The following MEGF6 variants were observed in gnomAD, a reference collection of about 807,000 sequenced individuals.
The protein encoded by MEGF6 is multiple EGF like domains 6, also known as multiple epidermal growth factor-like domains protein 6.
MEGF6 carries 184 observed loss-of-function variants against 207.1 expected under a neutral mutation model. That is an observed-to-expected ratio of 0.89 (90% CI 0.79 to 1.00). The LOEUF (loss-of-function observed/expected upper bound fraction) is 1.00. Among genes scored for constraint, MEGF6 ranks in the 50% least tolerant of loss-of-function variants. MEGF6 has a pLI of 0.00. For synonymous variants in MEGF6, 1,038 were observed against 910.0 expected, an observed-to-expected ratio of 1.14 and a Z score of -2.53; for missense variants, 2,282 against 2,202.9, an observed-to-expected ratio of 1.04 and a Z score of -0.72.
chr1:3,510,652 C>T, intron 10 of MEGF6, 131 bp downstream of exon 10: 1 of 1,307,758 alleles, frequency 7.6e-7, no homozygotes, highest in African/African-American at 1.5e-5. Context: ...ACACCCACAG[C>T]CCCAAAGCAA....
chr1:3,587,661 G>C (rs1643910705), intron 3 of MEGF6, among the ~76,000 whole-genome samples: 1 of 152,216 alleles, frequency 6.6e-6, no homozygotes, highest in South Asian at 2.1e-4. Context: ...CATCAATAAA[G>C]TCTGACATTG....
chr1:3,622,327 C>G, the MEGF6 span, among the ~76,000 whole-genome samples: 8 of 152,262 alleles, frequency 5.3e-5, no homozygotes, highest in South Asian at 1.5e-3. Flanking sequence ...ATCCCACTAC[C>G]CCCGCCGCCA....
chr1:3,608,594 T>G (rs1051680737), intron 1 of MEGF6, among the ~76,000 whole-genome samples: 1 of 152,196 alleles, frequency 6.6e-6, no homozygotes, highest in African/African-American at 2.4e-5. Context: ...GTAGCACAGC[T>G]GCCCAGAGGG....
At chr1:3,602,340 G>C in intron 2 of MEGF6, 126 bp downstream of exon 2, 1 of 1,396,150 alleles carries the variant, frequency 7.2e-7, no homozygotes, top group South Asian at 1.4e-5. Flanking sequence ...GAGGGCTTCA[G>C]GCAGGGGTTG....
At chr1:3,512,180 G>C in intron 7 of MEGF6, 52 bp from the exon 8 acceptor site, 1 of 1,554,116 alleles carries the variant, frequency 6.4e-7, no homozygotes, top group Non-Finnish European at 8.7e-7. Flanking sequence ...AAGGGCCTTT[G>C]CATGGGACCA....
At chr1:3,533,104 C>G (rs1472403460) in intron 4 of MEGF6, among the ~76,000 whole-genome samples, 2 of 152,240 alleles carry the variant, frequency 1.3e-5, no homozygotes, top group Non-Finnish European at 2.9e-5. Flanking sequence ...AGAAGCCTGC[C>G]CAGTGCTAAG....
chr1:3,578,893 C>T (rs112332851), intron 4 of MEGF6, among the ~76,000 whole-genome samples: 827 of 58,208 alleles, frequency 0.014, 7 homozygotes, highest in Non-Finnish European at 0.024. Flanking sequence ...CTCCTCAGCC[C>T]GGCCCCCAGC....
intron 5 of MEGF6, 53 bp downstream of exon 5, chr1:3,524,071 G>A (rs552166906): frequency 6.3e-7 from 1 of 1,586,618 alleles, no homozygotes; most frequent in East Asian, 2.3e-5. Context: ...CACCCCAGAG[G>A]GTAGGGATGG....
intron 1 of MEGF6, among the ~76,000 whole-genome samples, chr1:3,603,902 C>T (rs1344429101): frequency 3.3e-5 from 5 of 152,212 alleles, no homozygotes; most frequent in South Asian, 2.1e-4. Context: ...TCCTGGGGCT[C>T]GTGCTGTGTG....
chr1:3,514,400 C>T, intron 7 of MEGF6, 150 bp downstream of exon 7: 1 of 1,019,624 alleles, frequency 9.8e-7, no homozygotes, highest in Non-Finnish European at 1.4e-6. Context: ...GGAGATGAGA[C>T]CGCCACATCC....
intron 4 of MEGF6, among the ~76,000 whole-genome samples, chr1:3,575,522 C>A (rs1447206695): frequency 4.6e-5 from 7 of 152,198 alleles, no homozygotes; most frequent in African/African-American, 1.7e-4. Context: ...CAACTGCTGA[C>A]ATACCCTAGA....
In MEGF6 at chr1:3,494,398, C is replaced by T. The variant is rs760317014; in HGVS notation, c.4102G>A (p.Gly1368Ser). Residue 1368 changes from glycine (G) to serine (S), a missense_variant, in exon 32 of 37, where the codon GGC becomes AGC. By Grantham distance (56) the Gly-to-Ser change is moderately conservative. Coordinates refer to ENST00000356575, the MANE Select transcript of MEGF6 (RefSeq NM_001409.4). The stretch of plus-strand genomic sequence containing the variant: ...TGCTCGCAGGCCTGGCCATAGAAGC[C>T]GGGGCCGCAGCGGCAGGTGCCCGTG... ...PATGTCRCGP[G>S]FYGQACEHPC... 1.7e-5 allele frequency: 27 copies of T among 1,552,154 alleles called. No individual in the cohort carries two copies. Among genetic ancestry groups the T allele is most frequent in the Non-Finnish European group, 2.3e-5 (26 of 1,152,788 alleles).
chr1:3,517,874 T>C (rs1441043765), intron 5 of MEGF6, among the ~76,000 whole-genome samples: 1 of 152,188 alleles, frequency 6.6e-6, no homozygotes, highest in Non-Finnish European at 1.5e-5. Flanking sequence ...AGCCCTACTG[T>C]GTCTTTCACT....
At chr1:3,491,645 G>C (rs1430162130) in intron 35 of MEGF6, among the ~76,000 whole-genome samples, 1 of 152,052 alleles carries the variant, frequency 6.6e-6, no homozygotes, top group Non-Finnish European at 1.5e-5. Flanking sequence ...AAAAAGCAGA[G>C]CCTGCAGCCT....
chr1:3,501,069 G>T lies in MEGF6; in HGVS notation c.2472C>A (p.Pro824=), dbSNP rs1175257003. The change falls in exon 20 of 37, where the codon CCC becomes CCA. Residue 824 remains proline, a synonymous_variant. Coordinates refer to ENST00000356575, the MANE Select transcript of MEGF6 (RefSeq NM_001409.4). ...QDVCPAGWYG[P]SCQTRCSCAN... Reference sequence around the variant, plus strand: ...CACAAGAGCACCTTGTCTGGCAGCTGGGACCATACCAGCCTGCTGGGCACA... The same window carrying T: ...CACAAGAGCACCTTGTCTGGCAGCTTGGACCATACCAGCCTGCTGGGCACA... The T allele has an allele frequency of 7.4e-6, 12 of 1,612,776 alleles. No individual in the cohort carries two copies. Among genetic ancestry groups the T allele is most frequent in the African/African-American group, 1.3e-5 (1 of 75,062 alleles).
chr1:3,525,459 C>T (rs541306230), intron 4 of MEGF6, among the ~76,000 whole-genome samples: 1 of 152,374 alleles, frequency 6.6e-6, no homozygotes, highest in East Asian at 1.9e-4. Context: ...AGTCCAAGGC[C>T]ACAGACACCT....
chr1:3,534,832 C>T (rs1053748584), intron 4 of MEGF6, among the ~76,000 whole-genome samples: 1 of 152,140 alleles, frequency 6.6e-6, no homozygotes, highest in Non-Finnish European at 1.5e-5. Flanking sequence ...ACCTCCATAC[C>T]CCCACCTCAG....
At chr1:3,554,605 A>C (rs1295474312) in intron 4 of MEGF6, among the ~76,000 whole-genome samples, 2 of 152,186 alleles carry the variant, frequency 1.3e-5, no homozygotes, top group African/African-American at 2.4e-5. Context: ...CGGAAGTCCA[A>C]AGTGAGAATG....
chr1:3,490,764 T>C, intron 36 of MEGF6, 148 bp downstream of exon 36: 1 of 1,235,306 alleles, frequency 8.1e-7, no homozygotes, highest in Non-Finnish European at 1.1e-6. Context: ...GGCCCCAGCC[T>C]TGGTCTCTGA....
Sources: allele counts gnomAD v4.1 joint callset (sites outside exome capture counted in the v4.1 genomes callset), GRCh38; gene constraint gnomAD v4.1.1; transcripts MANE v1.5; gene names NCBI Gene and HGNC (gene_info 2026-07-23, HGNC 2026-07-21).